Variants in PLOD2 observed in about 807,000 individuals in gnomAD.
PLOD2 encodes procollagen-lysine,2-oxoglutarate 5-dioxygenase 2, also known as lysine hydroxylase 2.
In PLOD2, 65 loss-of-function variants were observed where a neutral mutation model predicts 101.0. The ratio of observed to expected loss-of-function variants is 0.64; its 90% CI spans 0.53 to 0.79. The LOEUF (loss-of-function observed/expected upper bound fraction) is 0.79, where lower values mean the gene tolerates loss of function less well. PLOD2 is among the 30% of genes least tolerant of loss of function. PLOD2 has a pLI of 0.00. For synonymous variants in PLOD2, 314 were observed against 302.9 expected (o/e 1.04, Z -0.38); for missense variants, 909 against 914.6 (o/e 0.99, Z 0.08).
chr3:146,158,094 A>T (rs923815606), intron 1 of PLOD2, among the ~76,000 whole-genome samples: 8 of 152,054 alleles, frequency 5.3e-5, no homozygotes, highest in Admixed American at 4.6e-4. Context: ...AACACACACA[A>T]ATTTTATCCA....
At chr3:146,120,367 C>A (rs949170845) in intron 3 of PLOD2, among the ~76,000 whole-genome samples, 1 of 152,044 alleles carries the variant, frequency 6.6e-6, no homozygotes, top group Non-Finnish European at 1.5e-5. Context: ...GAGTAGATTG[C>A]AAAAATTTTC....
intron 16 of PLOD2, among the ~76,000 whole-genome samples, 183 bp from the exon 17 acceptor site, chr3:146,072,848 G>A (rs1046138747): frequency 6.6e-5 from 10 of 151,386 alleles, no homozygotes; most frequent in African/African-American, 2.2e-4. Context: ...CCTCAGAATT[G>A]ATGACATCTT....
At chr3:146,092,314 C>A (rs1482629483) in intron 7 of PLOD2, among the ~76,000 whole-genome samples, 1 of 152,006 alleles carries the variant, frequency 6.6e-6, no homozygotes. Context: ...TGAGCACAGA[C>A]ACCTACAGTA....
Position 146,085,193 on chromosome 3 carries a change from A to G in PLOD2, c.1208T>C (p.Leu403Ser), listed in dbSNP as rs1936713909. 3.2e-6 allele frequency: 5 copies of G among 1,571,372 alleles called. No individual in the cohort carries two copies. Among genetic ancestry groups the G allele is most frequent in the East Asian group, 2.2e-5 (1 of 44,538 alleles). ...CCTGTTTTGTTCAATCAAAATTTTT[A>G]AAGTCCTTGGATTTGTCAAAACAAC... is the stretch of plus-strand genomic sequence containing the variant. ...ADVVLTNPRT[L>S]KILIEQNRKI... The change falls in exon 11 of 20, where the codon TTA (leucine) becomes TCA (serine). Residue 403 changes from leucine to serine, a missense_variant. By Grantham distance (145) the Leu-to-Ser change is moderately radical (BLOSUM62 -2). Transcript: ENST00000282903.
chr3:146,096,873 A>ACGGCGGCG (rs1234344071), intron 7 of PLOD2, among the ~76,000 whole-genome samples: 1 of 22,982 alleles, frequency 4.4e-5, no homozygotes, highest in Non-Finnish European at 8.2e-5. Context: ...CCCGTCCGGG[A>ACGGCGGCG]GGGAGGTGGG....
chr3:146,133,243 G>A (rs1457155118), intron 1 of PLOD2, among the ~76,000 whole-genome samples: 1 of 151,898 alleles, frequency 6.6e-6, no homozygotes, highest in Non-Finnish European at 1.5e-5. Flanking sequence ...AAATATTGTG[G>A]GCTACTCTAT....
intron 4 of PLOD2, among the ~76,000 whole-genome samples, chr3:146,110,024 A>T (rs1937600429): frequency 6.6e-6 from 1 of 152,180 alleles, no homozygotes; most frequent in African/African-American, 2.4e-5. Flanking sequence ...TTCCTTTAAC[A>T]ACAGAATATC....
intron 3 of PLOD2, among the ~76,000 whole-genome samples, chr3:146,119,569 T>C (rs1039490049): frequency 6.6e-6 from 1 of 152,026 alleles, no homozygotes; most frequent in Non-Finnish European, 1.5e-5. Flanking sequence ...ATTAGGTATA[T>C]CTCCTAATGC....
intron 1 of PLOD2, among the ~76,000 whole-genome samples, chr3:146,133,069 G>A (rs2031014262): frequency 6.6e-6 from 1 of 152,078 alleles, no homozygotes; most frequent in Admixed American, 6.6e-5. Context: ...CCAGCTACTT[G>A]GGAAGCTGAG....
At chr3:146,102,667 A>G in intron 7 of PLOD2, 88 bp downstream of exon 7, 1 of 728,244 alleles carries the variant, frequency 1.4e-6, no homozygotes. Context: ...TTTGAAAGAA[A>G]TTTTTAAAAA....
At chr3:146,121,591 T>G (rs2030161461) in intron 2 of PLOD2, among the ~76,000 whole-genome samples, 1 of 152,164 alleles carries the variant, frequency 6.6e-6, no homozygotes, top group South Asian at 2.1e-4. Flanking sequence ...CATATCACTT[T>G]TTTTTCAATC....
intron 12 of PLOD2, 42 bp from the exon 13 acceptor site, chr3:146,079,299 A>C: frequency 1.3e-6 from 2 of 1,485,906 alleles, no homozygotes; most frequent in Non-Finnish European, 1.9e-6. Context: ...CACAAATACA[A>C]ACAATTTTAA....
At chr3:146,128,371 T>A (rs2030706495) in intron 1 of PLOD2, among the ~76,000 whole-genome samples, 1 of 152,092 alleles carries the variant, frequency 6.6e-6, no homozygotes, top group Non-Finnish European at 1.5e-5. Context: ...AAATGTAACC[T>A]CTATTGCCAC....
At chr3:146,146,896 G>A (rs55679267) in intron 1 of PLOD2, among the ~76,000 whole-genome samples, 1,580 of 152,186 alleles carry the variant, frequency 0.01, 35 homozygotes, top group African/African-American at 0.036. Flanking sequence ...TGGGTTCTTC[G>A]TTTGAATAGA....
In PLOD2 at chr3:146,139,318, T is replaced by G. The variant is rs116929144; in HGVS notation, c.110-15089A>C. 1.8e-3 allele frequency among the ~76,000 whole-genome samples: 267 copies of G among 152,286 alleles called. 8 individuals are homozygous for G. The East Asian group carries it at 0.048, about 28-fold the overall frequency. On this transcript the variant is annotated intron_variant, in intron 1 of 19. Coordinates refer to ENST00000282903, the MANE Select transcript of PLOD2 (RefSeq NM_182943.3). ...AATTTTAAGAAAATGTTTAAAGTAG[T>G]GAAGGACTCCAAATTATCTCATAAA...
At chr3:146,139,436 A>G (rs1559868826) in intron 1 of PLOD2, among the ~76,000 whole-genome samples, 3 of 152,170 alleles carry the variant, frequency 2.0e-5, no homozygotes, top group South Asian at 4.1e-4. Flanking sequence ...AGAATTCTAA[A>G]TGCCACATTC....
At chr3:146,113,561 C>T (rs991851080) in intron 3 of PLOD2, among the ~76,000 whole-genome samples, 3 of 152,176 alleles carry the variant, frequency 2.0e-5, no homozygotes, top group Admixed American at 1.3e-4. Flanking sequence ...CCTGTCTTTA[C>T]TGCAATCTCT....
intron 5 of PLOD2, among the ~76,000 whole-genome samples, chr3:146,104,833 T>TA (rs1470346790): frequency 2.6e-5 from 4 of 152,186 alleles, no homozygotes; most frequent in Admixed American, 6.5e-5. Flanking sequence ...CTGCTTAAAA[T>TA]AAAAAAACAG....
rs762788421 is a variant in PLOD2 at position 146,071,408 on chromosome 3, C to A, written c.1864G>T (p.Gly622Cys). The A allele has an allele frequency of 1.9e-6, 3 of 1,611,628 alleles. No homozygotes were observed. Among genetic ancestry groups the A allele is most frequent in the Admixed American group, 1.7e-5 (1 of 59,758 alleles). The change falls in exon 18 of 20, where the codon GGT becomes TGT. Residue 622 changes from glycine (G) to cysteine (C), a missense_variant. Transcript: ENST00000282903. ...TCAGTTGGGACATTTTCATAACCAC[C>A]AGATATACGGCTATCCTAGAAACAA... ...GGKHHDSRIS[G>C]GYENVPTDDI...
Sources: gnomAD v4.1 joint callset for allele counts (sites outside exome capture counted in the v4.1 genomes callset) on GRCh38, gnomAD v4.1.1 for gene constraint, MANE v1.5 for transcripts, NCBI Gene and HGNC (gene_info 2026-07-23, HGNC 2026-07-21) for gene names.